SLC9A9: variants seen among roughly 807,000 people sequenced by gnomAD.
The protein encoded by SLC9A9 is sodium/hydrogen exchanger 9.
A neutral mutation model predicts 77.8 loss-of-function variants in SLC9A9; 62 were observed. The observed-to-expected ratio is 0.80, with a 90% CI of 0.65 to 0.98. The LOEUF is 0.98. Among genes scored for constraint, SLC9A9 ranks in the 50% least tolerant of loss-of-function variants. SLC9A9 has a pLI of 0.00. For missense variants in SLC9A9, 775 were observed against 774.9 expected (o/e 1.00, Z 0.00); for synonymous variants, 320 against 283.5 (o/e 1.13, Z -1.29).
intron 2 of SLC9A9, among the ~76,000 whole-genome samples, chr3:143,828,555 A>G (rs1223590568): frequency 1.3e-5 from 2 of 152,078 alleles, no homozygotes; most frequent in East Asian, 3.8e-4. Context: ...ACAAGCACAT[A>G]CCTACCCCAA....
chr3:143,612,543 G>A (rs932559604), intron 6 of SLC9A9, among the ~76,000 whole-genome samples: 3 of 152,180 alleles, frequency 2.0e-5, no homozygotes, highest in Admixed American at 6.5e-5. Context: ...ATGCCTGATC[G>A]AAAGCAGAGG....
At chr3:143,683,283 T>A (rs1933160327) in intron 5 of SLC9A9, among the ~76,000 whole-genome samples, 1 of 152,038 alleles carries the variant, frequency 6.6e-6, no homozygotes, top group African/African-American at 2.4e-5. Flanking sequence ...AACTGAGGAA[T>A]TCGAATCTAA....
At chr3:143,532,048 C>A (rs553695526) in intron 9 of SLC9A9, among the ~76,000 whole-genome samples, 63 of 152,076 alleles carry the variant, frequency 4.1e-4, no homozygotes, top group African/African-American at 1.5e-3. Flanking sequence ...AAGAAATTTG[C>A]AAAAATAGAA....
chr3:143,820,088 C>T (rs2108880005), intron 2 of SLC9A9, among the ~76,000 whole-genome samples: 1 of 152,300 alleles, frequency 6.6e-6, no homozygotes, highest in Non-Finnish European at 1.5e-5. Context: ...AAGTGCTTCA[C>T]ATGAATTTTC....
At chr3:143,780,807 T>G (rs1484019870) in intron 4 of SLC9A9, among the ~76,000 whole-genome samples, 2 of 152,244 alleles carry the variant, frequency 1.3e-5, no homozygotes. Flanking sequence ...TCTTCAATTT[T>G]CATCCAGTGT....
At chr3:143,730,105 T>C (rs1397989280) in intron 4 of SLC9A9, among the ~76,000 whole-genome samples, 3 of 152,186 alleles carry the variant, frequency 2.0e-5, no homozygotes, top group African/African-American at 7.2e-5. Flanking sequence ...AGTGCACATG[T>C]CAAGGCCAAG....
In SLC9A9 at chr3:143,399,034, T is replaced by C. The variant is rs76357009; in HGVS notation, c.1470-16920A>G. On this transcript the variant is annotated intron_variant, in intron 12 of 15. Coordinates refer to ENST00000316549, the MANE Select transcript of SLC9A9 (RefSeq NM_173653.4). ...ACACACACATACATATATATGTACA[T>C]GCACATATATATCTATATTTCACTT... Among the ~76,000 whole-genome samples, 672 of 152,140 alleles carry C rather than the reference T, an allele frequency of 4.4e-3. 3 individuals carry two copies. Among genetic ancestry groups the C allele is most frequent in the African/African-American group, 0.016 (647 of 41,522 alleles).
intron 6 of SLC9A9, among the ~76,000 whole-genome samples, chr3:143,580,874 C>A (rs1375025149): frequency 6.6e-6 from 1 of 152,152 alleles, no homozygotes; most frequent in Non-Finnish European, 1.5e-5. Flanking sequence ...CAGACATATG[C>A]ACTAGGTGCC....
At chr3:143,418,923 C>T (rs889070235) in intron 12 of SLC9A9, among the ~76,000 whole-genome samples, 1 of 152,132 alleles carries the variant, frequency 6.6e-6, no homozygotes, top group South Asian at 2.1e-4. Flanking sequence ...TGCTTTTATA[C>T]ACAATGATTG....
At chr3:143,364,542 C>T (rs1041767577) in intron 13 of SLC9A9, among the ~76,000 whole-genome samples, 21 of 152,142 alleles carry the variant, frequency 1.4e-4, no homozygotes, top group African/African-American at 4.1e-4. Flanking sequence ...ACAGCCAGCC[C>T]TTAGATGAGC....
chr3:143,379,590 A>G (rs1010948212), intron 13 of SLC9A9, among the ~76,000 whole-genome samples: 1 of 152,242 alleles, frequency 6.6e-6, no homozygotes, highest in Non-Finnish European at 1.5e-5. Flanking sequence ...CGCCATGTCA[A>G]TGATAACGCT....
At chr3:143,413,033 A>T (rs981642868) in intron 12 of SLC9A9, among the ~76,000 whole-genome samples, 1 of 152,226 alleles carries the variant, frequency 6.6e-6, no homozygotes, top group Non-Finnish European at 1.5e-5. Context: ...TTTCCCTTAC[A>T]GAAAACGCCT....
intron 9 of SLC9A9, among the ~76,000 whole-genome samples, chr3:143,515,958 T>C (rs2036196761): frequency 1.3e-5 from 2 of 152,230 alleles, no homozygotes; most frequent in African/African-American, 2.4e-5. Context: ...ATTGGAGTGA[T>C]CTATTCCTTG....
At chr3:143,323,515 A>G (rs995088945) in intron 14 of SLC9A9, among the ~76,000 whole-genome samples, 1 of 152,212 alleles carries the variant, frequency 6.6e-6, no homozygotes, top group African/African-American at 2.4e-5. Context: ...GGAGCTTAAA[A>G]AATTGATTAC....
chr3:143,306,381 C>T (rs1176470584), intron 14 of SLC9A9, among the ~76,000 whole-genome samples: 1 of 152,220 alleles, frequency 6.6e-6, no homozygotes, highest in Non-Finnish European at 1.5e-5. Context: ...TTTCCACCTA[C>T]TGTCTCAACC....
chr3:143,633,262 A>G (rs1053974491), intron 6 of SLC9A9, among the ~76,000 whole-genome samples: 1 of 152,178 alleles, frequency 6.6e-6, no homozygotes, highest in Non-Finnish European at 1.5e-5. Flanking sequence ...TTATTTCTTA[A>G]ATCATTTTTA....
chr3:143,647,568 C>A (rs917030439), intron 6 of SLC9A9, among the ~76,000 whole-genome samples: 14 of 152,172 alleles, frequency 9.2e-5, no homozygotes, highest in African/African-American at 3.1e-4. Flanking sequence ...ATATCGTGAT[C>A]CTACACAGCA....
chr3:143,417,172 C>T (rs567961883), intron 12 of SLC9A9, among the ~76,000 whole-genome samples: 28 of 151,936 alleles, frequency 1.8e-4, no homozygotes, highest in Admixed American at 3.3e-4. Context: ...GAGGAGTCTG[C>T]CTTCAACAGG....
At chr3:143,742,521 T>A (rs1935097951) in intron 4 of SLC9A9, among the ~76,000 whole-genome samples, 1 of 152,170 alleles carries the variant, frequency 6.6e-6, no homozygotes, top group South Asian at 2.1e-4. Flanking sequence ...AGGGCCAATT[T>A]ACAATATATC....
Sources: allele counts gnomAD v4.1 joint callset (sites outside exome capture counted in the v4.1 genomes callset), GRCh38; gene constraint gnomAD v4.1.1; transcripts MANE v1.5; gene names NCBI Gene and HGNC (gene_info 2026-07-23, HGNC 2026-07-21).